TNKS2: variants seen among roughly 807,000 people sequenced by gnomAD.
TNKS2 encodes the protein tankyrase 2, also known as poly [ADP-ribose] polymerase tankyrase-2.
In TNKS2, 72 loss-of-function variants were observed where a neutral mutation model predicts 137.6. The ratio of observed to expected loss-of-function variants is 0.52; its 90% CI spans 0.43 to 0.64. The LOEUF (loss-of-function observed/expected upper bound fraction) is 0.64. Ranked by LOEUF, TNKS2 falls within the 30% of genes least tolerant of loss-of-function variation. The probability of loss-of-function intolerance (pLI) is 0.00; values close to 1 mark genes in which losing one functional copy is unlikely to be tolerated. For missense variants in TNKS2, 1,049 were observed against 1,410.2 expected (o/e 0.74, Z 4.10); for synonymous variants, 516 against 512.1 (o/e 1.01, Z -0.10).
At chr10:91,823,332 T>G (rs1176405725) in intron 7 of TNKS2, among the ~76,000 whole-genome samples, 15 of 132,110 alleles carry the variant, frequency 1.1e-4, no homozygotes, top group African/African-American at 4.0e-4. Context: ...TTTTTTTTTT[T>G]TTTTTTTTTT....
chr10:91,862,042 C>T lies in TNKS2; in HGVS notation c.3325C>T (p.Gln1109Ter). Residue 1109 changes from glutamine (Q) to a stop codon, truncating the protein, a stop_gained, in exon 26 of 27, where the codon CAG becomes TAG. Transcript: ENST00000371627. LOFTEE classifies it high-confidence loss of function. ...GGTAACCTTGGGAAAGTCTTTCCTG[C>T]AGTTCAGTGCAATGAAAATGGCACA... ...CRVTLGKSFL[Q>*]FSAMKMAHSP... The T allele has an allele frequency of 6.2e-7, 1 of 1,612,208 alleles. No homozygotes were observed. The highest frequency in any genetic ancestry group is 8.5e-7 in the Non-Finnish European group (1 of 1,178,960).
intron 1 of TNKS2, among the ~76,000 whole-genome samples, chr10:91,803,370 C>T (rs1844234822): frequency 1.3e-5 from 2 of 152,064 alleles, no homozygotes; most frequent in Admixed American, 1.3e-4. Context: ...GAAAAATGAG[C>T]CGGGCATGGT....
At chr10:91,854,267 T>C (rs1447795436) in intron 21 of TNKS2, among the ~76,000 whole-genome samples, 1 of 152,130 alleles carries the variant, frequency 6.6e-6, no homozygotes, top group African/African-American at 2.4e-5. Flanking sequence ...AGAAAGTAAT[T>C]TGAAGAAGAA....
At chr10:91,848,857 A>G (rs940684838) in intron 19 of TNKS2, among the ~76,000 whole-genome samples, 2 of 152,126 alleles carry the variant, frequency 1.3e-5, no homozygotes, top group African/African-American at 4.8e-5. Context: ...TATTTTTGAG[A>G]TGGAGTTCTG....
chr10:91,853,648 G>C (rs1241991821), intron 21 of TNKS2, among the ~76,000 whole-genome samples: 2 of 152,198 alleles, frequency 1.3e-5, no homozygotes, highest in Non-Finnish European at 2.9e-5. Context: ...ATATCATCTT[G>C]TATATGTTGC....
At position 91,841,439 on chromosome 10, in the gene TNKS2, T is replaced by G; in HGVS notation, c.1830T>G (p.Leu610=). 6.2e-7 allele frequency: 1 copy of G among 1,604,364 alleles called. No homozygotes were observed. The highest frequency in any genetic ancestry group is 1.3e-5 in the African/African-American group (1 of 74,522). ...AAKGKYEICK[L]LLQHGADPTK... ...AAGGAAAATATGAAATTTGCAAACT[T>G]CTGCTCCAGGTATATTTAAATACTT... The change falls in exon 15 of 27, where the codon CTT becomes CTG. Residue 610 remains leucine (L), a synonymous_variant. Coordinates refer to ENST00000371627, the MANE Select transcript of TNKS2 (RefSeq NM_025235.4).
rs191148740 is a variant in TNKS2 at position 91,862,261 on chromosome 10, T to A, written c.3438+106T>A. 93 of 901,018 alleles carry A rather than the reference T, an allele frequency of 1.0e-4. 1 individual carries two copies. The African/African-American group carries it at 1.3e-3, about 13-fold the overall frequency. 55.8% of individuals were successfully genotyped at this position (901,018 alleles called of 1,614,324 possible). On this transcript the variant is annotated intron_variant, in intron 26 of 26. Transcript: ENST00000371627. Reference sequence around the variant, plus strand: ...GACATATTGCCTTAACTGGATTTTTTAAAAATTTTATTTGGAGATAATTTC... The same window carrying A: ...GACATATTGCCTTAACTGGATTTTTAAAAAATTTTATTTGGAGATAATTTC...
chr10:91,842,271 G>T lies in TNKS2; in HGVS notation c.1939G>T (p.Ala647Ser). Reference protein sequence around the residue: ...TDIQDLLRGDAALLDAAKKGC... With the variant: ...TDIQDLLRGDSALLDAAKKGC... The stretch of plus-strand genomic sequence containing the variant: ...TATTCAAGATCTGCTTAGGGGAGAT[G>T]CAGCTTTGCTAGATGCTGCCAAGAA... Residue 647 changes from alanine to serine, a missense_variant, in exon 16 of 27, where the codon GCA becomes TCA. By Grantham distance (99) the Ala-to-Ser change is moderately conservative (BLOSUM62 1). This residue lies in a region of TNKS2 where 328 missense variants were observed against 436.0 expected (regional missense o/e 0.75). Transcript: ENST00000371627. 6.2e-7 allele frequency: 1 copy of T among 1,614,082 alleles called. No homozygotes were observed. Among genetic ancestry groups the T allele is most frequent in the South Asian group, 1.1e-5 (1 of 91,090 alleles).
chr10:91,848,456 T>G lies in TNKS2; in HGVS notation c.2432T>G (p.Val811Gly). The change falls in exon 19 of 27, where the codon GTG becomes GGG. Residue 811 changes from valine (V) to glycine (G), a missense_variant. Physicochemically the swap from Val to Gly is moderately radical, Grantham distance 109. Around this residue, in one of 6 missense-constraint regions of TNKS2, gnomAD observed 208 missense variants for 231.2 expected, o/e 0.90. Transcript: ENST00000371627. Reference protein sequence around the residue: ...SALPSCYKPQVLNGVRSPGAT... With the variant: ...SALPSCYKPQGLNGVRSPGAT... ...CTGCCCTCTTGTTACAAGCCTCAAG[T>G]GCTCAATGGTGTGAGAAGCCCAGGA... The G allele has an allele frequency of 6.2e-7, 1 of 1,614,212 alleles. No homozygotes were observed. Among genetic ancestry groups the G allele is most frequent in the Non-Finnish European group, 8.5e-7 (1 of 1,180,036 alleles).
At chr10:91,834,558 A>G (rs1841937982) in intron 12 of TNKS2, among the ~76,000 whole-genome samples, 1 of 152,230 alleles carries the variant, frequency 6.6e-6, no homozygotes, top group Non-Finnish European at 1.5e-5. Context: ...TTAGAATTTG[A>G]TGCAGTAGCT....
In TNKS2 at chr10:91,855,083, A is replaced by G; in HGVS notation, c.2870A>G (p.Asp957Gly). Residue 957 changes from aspartate (D) to glycine (G), a missense_variant, in exon 22 of 27, where the codon GAT becomes GGT. By Grantham distance (94) the Asp-to-Gly change is moderately conservative. Coordinates refer to ENST00000371627, the MANE Select transcript of TNKS2 (RefSeq NM_025235.4). ...NTSGSGTILI[D>G]LSPDDKEFQS... Reference sequence around the variant, plus strand: ...TCTGGTAGTGGAACAATTCTTATAGATCTGTCTCCTGATGATAAAGAGTTT... The same window carrying G: ...TCTGGTAGTGGAACAATTCTTATAGGTCTGTCTCCTGATGATAAAGAGTTT... 1 of 1,612,312 alleles carries G rather than the reference A, an allele frequency of 6.2e-7. No individual in the cohort carries two copies.
rs1476026640 is a variant in TNKS2 at position 91,864,219 on chromosome 10, A to T, written c.*1220A>T. ...TTTTCTCTCCATGATGTTATGCCCA[A>T]TTGGAAATATGCTGTCAGTTTGTGC... On this transcript the variant is annotated 3_prime_UTR_variant, in exon 27 of 27. Coordinates refer to ENST00000371627, the MANE Select transcript of TNKS2 (RefSeq NM_025235.4). 1.3e-5 allele frequency: 2 copies of T among 152,586 alleles called. No individual in the cohort carries two copies. Among genetic ancestry groups the T allele is most frequent in the Non-Finnish European group, 2.9e-5 (2 of 68,042 alleles). 9.5% of individuals were successfully genotyped at this position (152,586 alleles called of 1,614,324 possible). A position where few individuals can be genotyped will look rare whatever the true frequency, so the allele number is the denominator to read the frequency against.
intron 12 of TNKS2, among the ~76,000 whole-genome samples, chr10:91,834,832 C>A (rs1465521021): frequency 6.6e-6 from 1 of 152,184 alleles, no homozygotes; most frequent in Non-Finnish European, 1.5e-5. Flanking sequence ...AACACTGGTC[C>A]TATTCAGTTG....
Position 91,861,979 on chromosome 10 carries a change from T to C in TNKS2, c.3282-20T>C. ...TATCAAATTTGACTTCAGGGTGATC[T>C]TTTCCTTTTCGTTTTATAGGCAGCT... On this transcript the variant is annotated intron_variant, in intron 25 of 26. Transcript: ENST00000371627. 2 of 1,597,356 alleles carry C rather than the reference T, an allele frequency of 1.3e-6. No individual in the cohort carries two copies. The highest frequency in any genetic ancestry group is 1.7e-6 in the Non-Finnish European group (2 of 1,171,662).
At chr10:91,817,806 A>G (rs1204354583) in intron 3 of TNKS2, among the ~76,000 whole-genome samples, 5 of 152,216 alleles carry the variant, frequency 3.3e-5, no homozygotes, top group African/African-American at 1.2e-4. Context: ...GCATAAGGCT[A>G]TAGTTTAGAT....
At chr10:91,859,762 T>C in intron 25 of TNKS2, 114 bp downstream of exon 25, 1 of 783,130 alleles carries the variant, frequency 1.3e-6, no homozygotes, top group South Asian at 2.3e-5. Context: ...TAGGCATGTT[T>C]TAGATTGCTT....
intron 12 of TNKS2, among the ~76,000 whole-genome samples, chr10:91,834,979 G>T (rs775869246): frequency 6.6e-6 from 1 of 152,084 alleles, no homozygotes; most frequent in Non-Finnish European, 1.5e-5. Flanking sequence ...GCATATAATT[G>T]TCAAATTATC....
Position 91,842,231 on chromosome 10 carries a change from AG to A in TNKS2, c.1900del (p.Asp634MetfsTer17), listed in dbSNP as rs1423888543. On this transcript the variant is annotated frameshift_variant, in exon 16 of 27. Transcript: ENST00000371627. LOFTEE classifies it high-confidence loss of function. ...DGNTPLDLVK[D>X]GDTDIQDLLR... ...GAAATACTCCTTTGGATCTTGTTAA[AG>A]ATGGAGATACAGATATTCAAGATCT... 6.2e-7 allele frequency: 1 copy of A among 1,614,058 alleles called. No homozygotes were observed.
chr10:91,824,540 G>A (rs1845004947), intron 7 of TNKS2, among the ~76,000 whole-genome samples: 1 of 152,188 alleles, frequency 6.6e-6, no homozygotes, highest in South Asian at 2.1e-4. Flanking sequence ...TTGAACCACT[G>A]TGCAGAGTGT....
Sources: gnomAD v4.1 joint callset for allele counts (sites outside exome capture counted in the v4.1 genomes callset) on GRCh38, gnomAD v4.1.1 for gene constraint, gnomAD v4.1.1 regional missense constraint, MANE v1.5 for transcripts, NCBI Gene and HGNC (gene_info 2026-07-23, HGNC 2026-07-21) for gene names.